Variants in DPYD observed in about 807,000 individuals in gnomAD.
The protein encoded by DPYD is dihydropyrimidine dehydrogenase [NADP(+)].
A neutral mutation model predicts 116.2 loss-of-function variants in DPYD; 109 were observed. That is an observed-to-expected ratio of 0.94 (90% confidence interval 0.80 to 1.10). The LOEUF (loss-of-function observed/expected upper bound fraction) is 1.10, where lower values mean the gene tolerates loss of function less well. Among genes scored for constraint, DPYD ranks in the 50% least tolerant of loss-of-function variants. The probability of loss-of-function intolerance (pLI) is 0.00; values close to 1 mark genes in which losing one functional copy is unlikely to be tolerated. For synonymous variants in DPYD, 440 were observed against 432.0 expected, an observed-to-expected ratio of 1.02 and a Z score of -0.23; for missense variants, 1,302 against 1,254.5, an observed-to-expected ratio of 1.04 and a Z score of -0.57.
intron 18 of DPYD, among the ~76,000 whole-genome samples, chr1:97,290,550 A>T (rs1408844955): frequency 6.6e-6 from 1 of 152,178 alleles, no homozygotes; most frequent in Non-Finnish European, 1.5e-5. Flanking sequence ...CAACTATCTG[A>T]TCTTTGAGAA....
chr1:97,512,099 T>C (rs1647843037), intron 13 of DPYD, among the ~76,000 whole-genome samples: 1 of 151,900 alleles, frequency 6.6e-6, no homozygotes, highest in South Asian at 2.1e-4. Flanking sequence ...GATATGCTCT[T>C]GCCAAAAAAA....
intron 2 of DPYD, among the ~76,000 whole-genome samples, chr1:97,876,949 A>C (rs1671952213): frequency 6.6e-6 from 1 of 152,018 alleles, no homozygotes; most frequent in African/African-American, 2.4e-5. Context: ...TGAGGACCAA[A>C]AGCAAAGTGA....
At chr1:97,638,467 T>C (rs1221939596) in intron 8 of DPYD, among the ~76,000 whole-genome samples, 1 of 152,148 alleles carries the variant, frequency 6.6e-6, no homozygotes, top group Non-Finnish European at 1.5e-5. Flanking sequence ...CTCTTTATTA[T>C]TGATCATATA....
At chr1:97,736,728 C>T (rs1310954978) in intron 4 of DPYD, among the ~76,000 whole-genome samples, 2 of 151,974 alleles carry the variant, frequency 1.3e-5, no homozygotes, top group African/African-American at 2.4e-5. Flanking sequence ...AAAACTGGCA[C>T]GAGTTCAGAA....
chr1:97,531,878 T>C (rs540894861), intron 12 of DPYD, among the ~76,000 whole-genome samples: 2 of 152,142 alleles, frequency 1.3e-5, no homozygotes, highest in African/African-American at 4.8e-5. Context: ...TTCTTTCTGG[T>C]CTTATTGTAA....
chr1:97,145,847 T>C (rs1654585826), intron 20 of DPYD, among the ~76,000 whole-genome samples: 1 of 150,094 alleles, frequency 6.7e-6, no homozygotes, highest in African/African-American at 2.4e-5. Flanking sequence ...TAGCAGTGAA[T>C]ACACAGGCCC....
chr1:97,751,457 T>TAA (rs1664899862), intron 3 of DPYD, among the ~76,000 whole-genome samples: 2 of 39,558 alleles, frequency 5.1e-5, no homozygotes, highest in Non-Finnish European at 9.5e-5. Flanking sequence ...TGTGTGTGTG[T>TAA]GTGTATATAT....
rs191576231 is a variant in DPYD, at chr1:97,143,613, A to T, written c.2623-44981T>A. 7.9e-5 allele frequency among the ~76,000 whole-genome samples: 12 copies of T among 152,132 alleles called. No individual in the cohort carries two copies. The East Asian group carries it at 2.1e-3, about 27-fold the overall frequency. ...CTATAAAATAGTAAATATAATCCTC[A>T]CCTCTTTTCACACAGGAGTTTCTTA... On this transcript the variant is annotated intron_variant, in intron 20 of 22. Transcript: ENST00000370192.
intron 18 of DPYD, among the ~76,000 whole-genome samples, chr1:97,246,081 C>G (rs1311051676): frequency 2.0e-5 from 3 of 152,118 alleles, no homozygotes; most frequent in African/African-American, 7.2e-5. Context: ...GGGCCCTTAT[C>G]TGAACCCTCT....
intron 3 of DPYD, among the ~76,000 whole-genome samples, chr1:97,761,651 C>A (rs1383640059): frequency 6.6e-6 from 1 of 152,066 alleles, no homozygotes; most frequent in Non-Finnish European, 1.5e-5. Context: ...ACTGTTCAAT[C>A]AAGCAATCTT....
chr1:97,512,175 C>A (rs1647847990), intron 13 of DPYD, among the ~76,000 whole-genome samples: 2 of 151,928 alleles, frequency 1.3e-5, no homozygotes, highest in East Asian at 3.9e-4. Context: ...ATACATTAAG[C>A]TTTGTGCTAT....
intron 20 of DPYD, among the ~76,000 whole-genome samples, chr1:97,165,682 G>T (rs1656270134): frequency 6.6e-6 from 1 of 152,120 alleles, no homozygotes; most frequent in Non-Finnish European, 1.5e-5. Context: ...ATCGAACAAA[G>T]ATCTAATATC....
chr1:97,911,438 T>C (rs1419106927), intron 1 of DPYD, among the ~76,000 whole-genome samples: 1 of 152,122 alleles, frequency 6.6e-6, no homozygotes, highest in African/African-American at 2.4e-5. Flanking sequence ...ACTTTAGCTT[T>C]AAAATGTAGC....
intron 3 of DPYD, among the ~76,000 whole-genome samples, chr1:97,782,100 T>C (rs1356145324): frequency 6.6e-6 from 1 of 152,168 alleles, no homozygotes; most frequent in African/African-American, 2.4e-5. Context: ...GACAGAAAGA[T>C]AAATTTTAAG....
intron 13 of DPYD, among the ~76,000 whole-genome samples, chr1:97,485,237 T>G (rs1678553500): frequency 6.6e-6 from 1 of 152,124 alleles, no homozygotes; most frequent in African/African-American, 2.4e-5. Flanking sequence ...TCGCTCTGTC[T>G]CTCAGGCTGG....
intron 3 of DPYD, among the ~76,000 whole-genome samples, chr1:97,760,491 A>G (rs569477762): frequency 1.7e-3 from 263 of 152,178 alleles, no homozygotes; most frequent in Non-Finnish European, 3.1e-3. Flanking sequence ...TTATATTTGT[A>G]TTTACATTTT....
chr1:97,861,073 A>C (rs1232565753), intron 2 of DPYD, among the ~76,000 whole-genome samples: 1 of 152,040 alleles, frequency 6.6e-6, no homozygotes, highest in African/African-American at 2.4e-5. Context: ...TACAGACAGA[A>C]AGACAATTTA....
intron 8 of DPYD, among the ~76,000 whole-genome samples, chr1:97,670,490 A>G (rs1659803436): frequency 6.6e-6 from 1 of 152,190 alleles, no homozygotes; most frequent in African/African-American, 2.4e-5. Flanking sequence ...AGGAACACAC[A>G]GGGAGAAGGC....
intron 18 of DPYD, among the ~76,000 whole-genome samples, chr1:97,245,614 A>G (rs2100789354): frequency 6.6e-6 from 1 of 152,264 alleles, no homozygotes; most frequent in East Asian, 1.9e-4. Flanking sequence ...GAGTAGGAGA[A>G]GGAGGAAGAT....
Sources: gnomAD v4.1 joint callset for allele counts (sites outside exome capture counted in the v4.1 genomes callset) on GRCh38, gnomAD v4.1.1 for gene constraint, MANE v1.5 for transcripts, NCBI Gene and HGNC (gene_info 2026-07-23, HGNC 2026-07-21) for gene names.